PTPRT: variants seen among roughly 807,000 people sequenced by gnomAD.
PTPRT encodes the protein receptor-type tyrosine-protein phosphatase T.
PTPRT carries 56 observed loss-of-function variants against 176.8 expected under a neutral mutation model. That is an observed-to-expected ratio of 0.32 (90% confidence interval 0.26 to 0.40). The LOEUF (loss-of-function observed/expected upper bound fraction) is 0.40. Ranked by LOEUF, PTPRT falls within the 10% of genes least tolerant of loss-of-function variation. The pLI, the probability that PTPRT is intolerant of heterozygous loss-of-function variation, is 1.00. For missense variants in PTPRT, 1,540 were observed against 1,908.2 expected (o/e 0.81, Z 3.60); for synonymous variants, 783 against 739.0 (o/e 1.06, Z -0.96).
chr20:42,918,211 G>A (rs1184578198), intron 1 of PTPRT, among the ~76,000 whole-genome samples: 1 of 152,112 alleles, frequency 6.6e-6, no homozygotes, highest in African/African-American at 2.4e-5. Context: ...CAACACAGTG[G>A]GTGGGTAAGT....
chr20:42,651,150 A>G (rs914803790), intron 7 of PTPRT, among the ~76,000 whole-genome samples: 1 of 152,162 alleles, frequency 6.6e-6, no homozygotes, highest in Non-Finnish European at 1.5e-5. Flanking sequence ...AGGAAAGTGA[A>G]TTTGGTATAT....
Position 42,143,373 on chromosome 20 carries a change from G to A in PTPRT, c.2683-1371C>T, listed in dbSNP as rs556148130. 3.9e-4 allele frequency among the ~76,000 whole-genome samples: 60 copies of A among 152,090 alleles called. 1 individual carries two copies. The highest frequency in any genetic ancestry group is 1.2e-3 in the African/African-American group (50 of 41,508). On this transcript the variant is annotated intron_variant, in intron 17 of 30. Transcript: ENST00000373187. Reference sequence around the variant, plus strand: ...GATCAAGACCATCCTGGCTTAACACGGTGAAACCCAGCCTCTACTAAAAGT... The same window carrying A: ...GATCAAGACCATCCTGGCTTAACACAGTGAAACCCAGCCTCTACTAAAAGT...
chr20:42,696,740 C>T (rs1210272599), intron 6 of PTPRT, among the ~76,000 whole-genome samples: 1 of 152,082 alleles, frequency 6.6e-6, no homozygotes, highest in Admixed American at 6.5e-5. Flanking sequence ...CAGGTGTGAG[C>T]CACCCCGCCC....
At chr20:42,999,965 C>T (rs1568726224) in intron 1 of PTPRT, among the ~76,000 whole-genome samples, 1 of 151,292 alleles carries the variant, frequency 6.6e-6, no homozygotes, top group Non-Finnish European at 1.5e-5. Context: ...ATGGGATATG[C>T]CCTCAAGTCA....
In PTPRT at chr20:42,859,750, A is replaced by ATT. The variant is rs61194810; in HGVS notation, c.214+26055_214+26056dup. On this transcript the variant is annotated intron_variant, in intron 2 of 30. Transcript: ENST00000373187. ...AGGCACCTGGCACCATGGCCGGCTAATTTTTTTTTTTTTGTATTTTTTTAG... is the reference window on the plus strand; with the variant it reads ...AGGCACCTGGCACCATGGCCGGCTAATTTTTTTTTTTTTTTGTATTTTTTTAG... Among the ~76,000 whole-genome samples, 372 of 142,808 alleles carry ATT rather than the reference A, an allele frequency of 2.6e-3. 1 individual carries two copies. The highest frequency in any genetic ancestry group is 8.9e-3 in the African/African-American group (349 of 39,010). The allele number at this position is 142,808 out of a possible 152,430, so 93.7% of individuals were successfully genotyped here. A position where few individuals can be genotyped will look rare whatever the true frequency, so the allele number is the denominator to read the frequency against.
chr20:42,495,047 T>G (rs1423656551), intron 7 of PTPRT, among the ~76,000 whole-genome samples: 1 of 152,190 alleles, frequency 6.6e-6, no homozygotes, highest in Non-Finnish European at 1.5e-5. Flanking sequence ...ATTATTTGCC[T>G]ACATTTCTTG....
chr20:42,086,726 CAAAAAAAAAAA>C lies in PTPRT; in HGVS notation c.3847-884_3847-874del, dbSNP rs367948746. ...TGGGTGACACAGCGAGACTCCATCTCAAAAAAAAAAAAAAAAAAAAAAAAAAAATATATATA... is the reference window on the plus strand; with the variant it reads ...TGGGTGACACAGCGAGACTCCATCTCAAAAAAAAAAAAAAAAATATATATA... On this transcript the variant is annotated intron_variant, in intron 27 of 30. Transcript: ENST00000373187. Among the ~76,000 whole-genome samples the C allele has an allele frequency of 2.6e-3, 214 of 82,206 alleles. 14 individuals carry two copies. Among genetic ancestry groups the C allele is most frequent in the African/African-American group, 0.011 (170 of 16,180 alleles). 53.9% of individuals were successfully genotyped at this position (82,206 alleles called of 152,430 possible).
chr20:42,040,080 TC>T, the PTPRT span, among the ~76,000 whole-genome samples: 71 of 152,272 alleles, frequency 4.7e-4, no homozygotes, highest in South Asian at 8.3e-4. Context: ...CCCTTTTTTT[TC>T]CCCACAGTCT....
intron 9 of PTPRT, among the ~76,000 whole-genome samples, chr20:42,438,595 A>T (rs2059284170): frequency 6.6e-6 from 1 of 152,230 alleles, no homozygotes; most frequent in Non-Finnish European, 1.5e-5. Flanking sequence ...GAGTGTATAC[A>T]TGTGACAGTG....
At chr20:42,378,881 G>T (rs2058673431) in intron 9 of PTPRT, among the ~76,000 whole-genome samples, 1 of 152,182 alleles carries the variant, frequency 6.6e-6, no homozygotes, top group African/African-American at 2.4e-5. Flanking sequence ...CATGTAGTAA[G>T]CATTCAATAC....
Position 42,993,882 on chromosome 20 carries a change from G to A in PTPRT, c.89-107950C>T, listed in dbSNP as rs144643646. 4.7e-3 allele frequency among the ~76,000 whole-genome samples: 714 copies of A among 152,056 alleles called. 8 individuals are homozygous for A. Among genetic ancestry groups the A allele is most frequent in the African/African-American group, 0.017 (685 of 41,446 alleles). ...TCACACAGCGAAATAACCAATTTAT[G>A]CGAGTAAGCCCTGTTGAGATATCCT... is the stretch of plus-strand genomic sequence containing the variant. On this transcript the variant is annotated intron_variant, in intron 1 of 30. Coordinates refer to ENST00000373187, the MANE Select transcript of PTPRT (RefSeq NM_007050.6).
chr20:42,384,753 C>T (rs1355737454), intron 9 of PTPRT, among the ~76,000 whole-genome samples: 1 of 152,170 alleles, frequency 6.6e-6, no homozygotes. Context: ...CTTACCAACA[C>T]TTATCTTTTT....
intron 11 of PTPRT, among the ~76,000 whole-genome samples, chr20:42,346,099 G>C (rs2058191305): frequency 6.6e-6 from 1 of 152,198 alleles, no homozygotes; most frequent in African/African-American, 2.4e-5. Flanking sequence ...AGGTCCACAG[G>C]ATGAGGCTGG....
chr20:42,316,947 G>A (rs2057729201), intron 11 of PTPRT, among the ~76,000 whole-genome samples: 1 of 152,104 alleles, frequency 6.6e-6, no homozygotes, highest in Non-Finnish European at 1.5e-5. Flanking sequence ...ATCATGAGAT[G>A]GGACTACTCT....
intron 13 of PTPRT, among the ~76,000 whole-genome samples, chr20:42,274,363 G>A (rs955054914): frequency 1.3e-5 from 2 of 152,172 alleles, no homozygotes; most frequent in East Asian, 3.9e-4. Flanking sequence ...GTGGTATTAA[G>A]CTACTGGGAG....
intron 7 of PTPRT, among the ~76,000 whole-genome samples, chr20:42,518,357 T>C (rs1320327185): frequency 6.6e-6 from 1 of 152,032 alleles, no homozygotes; most frequent in East Asian, 1.9e-4. Flanking sequence ...TCTCAGATAA[T>C]TTTGTATCTT....
intron 17 of PTPRT, among the ~76,000 whole-genome samples, chr20:42,148,827 T>G (rs144279817): frequency 6.6e-6 from 1 of 152,228 alleles, no homozygotes; most frequent in Admixed American, 6.5e-5. Flanking sequence ...CTGGTTAATA[T>G]GAGCGGCCTG....
intron 2 of PTPRT, among the ~76,000 whole-genome samples, chr20:42,884,653 AACTCTTAAT>A (rs1056990399): frequency 1.3e-5 from 2 of 152,144 alleles, no homozygotes; most frequent in African/African-American, 2.4e-5. Context: ...AAGCCTGAAG[AACTCTTAAT>A]ACTCCATGGC....
chr20:42,184,650 T>C (rs1254024714), intron 16 of PTPRT, among the ~76,000 whole-genome samples: 2 of 146,810 alleles, frequency 1.4e-5, no homozygotes, highest in African/African-American at 5.0e-5. Flanking sequence ...TCTCTCTCGA[T>C]AGAGTTTCAC....
Sources: gnomAD v4.1 joint callset for allele counts (sites outside exome capture counted in the v4.1 genomes callset) on GRCh38, gnomAD v4.1.1 for gene constraint, MANE v1.5 for transcripts, NCBI Gene and HGNC (gene_info 2026-07-23, HGNC 2026-07-21) for gene names.